Variants in PDE7B observed in about 807,000 individuals in gnomAD.
PDE7B encodes phosphodiesterase 7B, also known as 3',5'-cyclic-AMP phosphodiesterase 7B.
A neutral mutation model predicts 56.2 loss-of-function variants in PDE7B; 29 were observed. The observed-to-expected ratio is 0.52, with a 90% CI of 0.38 to 0.70. The LOEUF (loss-of-function observed/expected upper bound fraction) is 0.70. Among genes scored for constraint, PDE7B ranks in the 30% least tolerant of loss-of-function variants. The probability of loss-of-function intolerance (pLI) is 0.00; values close to 1 mark genes in which losing one functional copy is unlikely to be tolerated. For missense variants in PDE7B, 490 were observed against 565.0 expected, an observed-to-expected ratio of 0.87 and a Z score of 1.35; for synonymous variants, 197 against 196.9, an observed-to-expected ratio of 1.00 and a Z score of 0.00.
At position 135,868,427 on chromosome 6, in the gene PDE7B, T is replaced by C. The variant is rs564783704; in HGVS notation, c.21+16408T>C. Among the ~76,000 whole-genome samples the C allele has an allele frequency of 2.0e-5, 3 of 149,678 alleles. No individual in the cohort carries two copies. In the South Asian group the frequency reaches 6.3e-4, roughly 31 times the overall value. On this transcript the variant is annotated intron_variant, in intron 1 of 12. Transcript: ENST00000308191. ...ATGGTGGAAACATCAATTGGGGAGA[T>C]AAACTTTTTTTTTTTTTTGAGACGG...
At chr6:136,155,446 C>T (rs1778587391) in intron 7 of PDE7B, among the ~76,000 whole-genome samples, 181 bp from the exon 8 acceptor site, 1 of 152,198 alleles carries the variant, frequency 6.6e-6, no homozygotes, top group South Asian at 2.1e-4. Context: ...CCACACAGTC[C>T]TTTCCTTTTT....
chr6:136,167,473 C>A (rs1457252825), intron 8 of PDE7B, among the ~76,000 whole-genome samples: 1 of 152,132 alleles, frequency 6.6e-6, no homozygotes, highest in Admixed American at 6.5e-5. Flanking sequence ...CACAAGCTCT[C>A]TCTCTTCACC....
chr6:136,188,070 T>C (rs1779168920), intron 12 of PDE7B, among the ~76,000 whole-genome samples: 1 of 152,174 alleles, frequency 6.6e-6, no homozygotes, highest in Non-Finnish European at 1.5e-5. Flanking sequence ...AGGGGGTATC[T>C]GAAAACATAA....
chr6:136,053,112 GGTTT>G (rs1776661874), intron 2 of PDE7B, among the ~76,000 whole-genome samples: 1 of 152,000 alleles, frequency 6.6e-6, no homozygotes, highest in Non-Finnish European at 1.5e-5. Flanking sequence ...ACAATGTGCA[GGTTT>G]GTTACATATG....
At chr6:136,159,136 G>A (rs1184750322) in intron 8 of PDE7B, among the ~76,000 whole-genome samples, 1 of 152,148 alleles carries the variant, frequency 6.6e-6, no homozygotes, top group Non-Finnish European at 1.5e-5. Flanking sequence ...CAAGCACTTA[G>A]AGGGGGGTCA....
At chr6:135,943,698 A>G (rs1181034006) in intron 1 of PDE7B, among the ~76,000 whole-genome samples, 1 of 152,226 alleles carries the variant, frequency 6.6e-6, no homozygotes, top group Non-Finnish European at 1.5e-5. Flanking sequence ...CACAAATGTT[A>G]GCAAGTCCAC....
chr6:136,028,130 A>T (rs1041449240), intron 2 of PDE7B, among the ~76,000 whole-genome samples: 1 of 152,230 alleles, frequency 6.6e-6, no homozygotes, highest in Admixed American at 6.5e-5. Context: ...AATGCATGTT[A>T]AATGAATTAA....
At chr6:136,110,654 T>TA (rs1480927908) in intron 3 of PDE7B, among the ~76,000 whole-genome samples, 1 of 152,156 alleles carries the variant, frequency 6.6e-6, no homozygotes, top group African/African-American at 2.4e-5. Context: ...TAATGGTGGT[T>TA]ATGTTTGCAG....
At chr6:135,957,969 C>T (rs901965159) in intron 2 of PDE7B, among the ~76,000 whole-genome samples, 2 of 152,050 alleles carry the variant, frequency 1.3e-5, no homozygotes, top group Non-Finnish European at 1.5e-5. Context: ...CAGTGGTTCA[C>T]GCCTATAATC....
At chr6:136,126,245 G>T (rs1196265523) in intron 3 of PDE7B, among the ~76,000 whole-genome samples, 1 of 152,074 alleles carries the variant, frequency 6.6e-6, no homozygotes, top group Non-Finnish European at 1.5e-5. Flanking sequence ...ACAACTTCTG[G>T]GAAAGTCATG....
At chr6:135,876,867 A>C (rs577957807) in intron 1 of PDE7B, among the ~76,000 whole-genome samples, 4 of 152,318 alleles carry the variant, frequency 2.6e-5, no homozygotes, top group African/African-American at 7.2e-5. Context: ...TCAAAAAAAA[A>C]AAAAATTCCC....
intron 8 of PDE7B, among the ~76,000 whole-genome samples, chr6:136,167,665 G>A (rs1372429251): frequency 1.3e-5 from 2 of 152,130 alleles, no homozygotes; most frequent in African/African-American, 4.8e-5. Flanking sequence ...ACCACCACTA[G>A]TTTCTTGTCT....
At chr6:135,941,574 T>C (rs901733602) in intron 1 of PDE7B, among the ~76,000 whole-genome samples, 6 of 152,252 alleles carry the variant, frequency 3.9e-5, no homozygotes, top group African/African-American at 1.4e-4. Context: ...TTTCACAGTG[T>C]GGTTTTGAGT....
intron 3 of PDE7B, among the ~76,000 whole-genome samples, chr6:136,138,341 C>G (rs1778252163): frequency 1.3e-5 from 2 of 152,090 alleles, no homozygotes; most frequent in African/African-American, 4.8e-5. Flanking sequence ...TTAAATACTT[C>G]AAAAACCAGG....
intron 1 of PDE7B, among the ~76,000 whole-genome samples, chr6:135,889,065 CT>C (rs1342921954): frequency 6.6e-6 from 1 of 152,152 alleles, no homozygotes; most frequent in Non-Finnish European, 1.5e-5. Context: ...TAAATGGAAT[CT>C]TTTACTCAGC....
chr6:136,139,926 T>G (rs916971692), intron 3 of PDE7B, among the ~76,000 whole-genome samples: 2 of 152,240 alleles, frequency 1.3e-5, no homozygotes, highest in African/African-American at 4.8e-5. Context: ...AGGTTGCCTG[T>G]TCACTCTGAT....
chr6:135,924,675 CT>C (rs11356421), intron 1 of PDE7B, among the ~76,000 whole-genome samples: 48,586 of 82,416 alleles, frequency 0.59, 10,889 homozygotes, highest in African/African-American at 0.72. Context: ...TTTTGTTTTT[CT>C]TTTTTTTTTT....
At chr6:136,153,378 C>T (rs1778553063) in intron 6 of PDE7B, among the ~76,000 whole-genome samples, 2 of 152,148 alleles carry the variant, frequency 1.3e-5, no homozygotes, top group African/African-American at 2.4e-5. Flanking sequence ...CTAAGCATCG[C>T]CTTGGTTATG....
At chr6:136,083,681 C>A (rs181966079) in intron 2 of PDE7B, among the ~76,000 whole-genome samples, 55 of 152,218 alleles carry the variant, frequency 3.6e-4, no homozygotes, top group African/African-American at 1.2e-3. Context: ...ACAAACTGGC[C>A]TTTTAGTATG....
Sources: allele counts gnomAD v4.1 joint callset (sites outside exome capture counted in the v4.1 genomes callset), GRCh38; gene constraint gnomAD v4.1.1; transcripts MANE v1.5; gene names NCBI Gene and HGNC (gene_info 2026-07-23, HGNC 2026-07-21).